Variants in NRXN3 observed in about 807,000 individuals in gnomAD.
NRXN3 encodes neurexin III.
NRXN3 carries 32 observed loss-of-function variants against 137.6 expected under a neutral mutation model. The observed-to-expected ratio is 0.23, with a 90% CI of 0.18 to 0.31. NRXN3 has a LOEUF of 0.31. NRXN3 is among the 10% of genes least tolerant of loss of function. NRXN3 has a pLI of 1.00. For missense variants in NRXN3, 1,574 were observed against 2,062.5 expected (o/e 0.76, Z 4.59); for synonymous variants, 798 against 784.5 (o/e 1.02, Z -0.29).
At chr14:79,448,326 C>T (rs1278130529) in intron 15 of NRXN3, among the ~76,000 whole-genome samples, 1 of 152,180 alleles carries the variant, frequency 6.6e-6, no homozygotes, top group East Asian at 1.9e-4. Context: ...ACAGCCCTCC[C>T]CCATCATGAC....
At chr14:79,786,078 A>C (rs1015677964) in intron 19 of NRXN3, among the ~76,000 whole-genome samples, 1 of 152,146 alleles carries the variant, frequency 6.6e-6, no homozygotes, top group Non-Finnish European at 1.5e-5. Flanking sequence ...CTGTCTGATT[A>C]ATCAGTTCTT....
intron 15 of NRXN3, among the ~76,000 whole-genome samples, chr14:79,406,395 C>G (rs1417439626): frequency 6.6e-6 from 1 of 152,036 alleles, no homozygotes; most frequent in East Asian, 1.9e-4. Context: ...ACTTCTGCCT[C>G]CTGGGCTCAG....
At chr14:79,734,088 G>A (rs577981119) in intron 19 of NRXN3, among the ~76,000 whole-genome samples, 4 of 152,104 alleles carry the variant, frequency 2.6e-5, no homozygotes, top group Non-Finnish European at 5.9e-5. Context: ...ACAGAAAAAC[G>A]TTGTTTTGAC....
intron 2 of NRXN3, among the ~76,000 whole-genome samples, chr14:78,269,347 G>C (rs2153485008): frequency 6.6e-6 from 1 of 152,302 alleles, no homozygotes. Context: ...GTCATAAAAA[G>C]ACAAACACTG....
At chr14:79,243,604 T>G (rs114589710) in intron 15 of NRXN3, among the ~76,000 whole-genome samples, 187 of 152,258 alleles carry the variant, frequency 1.2e-3, no homozygotes, top group African/African-American at 4.1e-3. Context: ...AAAATCATAG[T>G]GTGTACTCAC....
At chr14:79,104,564 G>C (rs931744505) in intron 15 of NRXN3, among the ~76,000 whole-genome samples, 3 of 152,156 alleles carry the variant, frequency 2.0e-5, no homozygotes, top group African/African-American at 7.2e-5. Context: ...GTCAGGCTCT[G>C]TGGAAAATAC....
intron 2 of NRXN3, among the ~76,000 whole-genome samples, chr14:78,252,442 T>A (rs933594282): frequency 5.9e-5 from 9 of 152,120 alleles, no homozygotes; most frequent in Non-Finnish European, 1.3e-4. Context: ...GCATATAGGA[T>A]CCTTTTGGTT....
intron 15 of NRXN3, among the ~76,000 whole-genome samples, chr14:79,322,367 G>A (rs528261628): frequency 4.6e-5 from 7 of 152,130 alleles, no homozygotes; most frequent in African/African-American, 1.2e-4. Flanking sequence ...AGGCTTGACC[G>A]CATTTACGGA....
intron 15 of NRXN3, among the ~76,000 whole-genome samples, chr14:79,006,353 CAAAA>C (rs367745686): frequency 2.4e-4 from 36 of 149,964 alleles, no homozygotes; most frequent in African/African-American, 8.6e-4. Context: ...AACAAACAAA[CAAAA>C]ACCCCAAAAG....
At chr14:79,396,286 G>A (rs965506820) in intron 15 of NRXN3, among the ~76,000 whole-genome samples, 1 of 151,884 alleles carries the variant, frequency 6.6e-6, no homozygotes, top group African/African-American at 2.4e-5. Context: ...ATTTATATAT[G>A]AAATTGCTAG....
chr14:79,649,308 C>T (rs1371183917), intron 16 of NRXN3, among the ~76,000 whole-genome samples: 1 of 152,138 alleles, frequency 6.6e-6, no homozygotes, highest in Admixed American at 6.6e-5. Context: ...AAGTGCCTCA[C>T]AAATCACTGT....
chr14:78,323,154 A>G (rs980246593), intron 4 of NRXN3, among the ~76,000 whole-genome samples: 2 of 152,084 alleles, frequency 1.3e-5, no homozygotes, highest in Non-Finnish European at 2.9e-5. Context: ...TTTAAAGTGA[A>G]TTTAAAATTG....
intron 15 of NRXN3, among the ~76,000 whole-genome samples, chr14:79,087,077 T>G (rs748777792): frequency 1.3e-5 from 2 of 152,120 alleles, no homozygotes; most frequent in Non-Finnish European, 2.9e-5. Flanking sequence ...AACCTGAAGA[T>G]CAATTCCTTG....
chr14:78,524,975 G>T (rs115026211), intron 4 of NRXN3, among the ~76,000 whole-genome samples: 3 of 152,094 alleles, frequency 2.0e-5, no homozygotes, highest in African/African-American at 4.8e-5. Flanking sequence ...TAGCTAATCC[G>T]CTCGGCATAA....
chr14:78,520,996 A>C (rs2096276297), intron 4 of NRXN3, among the ~76,000 whole-genome samples: 1 of 152,204 alleles, frequency 6.6e-6, no homozygotes, highest in Non-Finnish European at 1.5e-5. Context: ...CTTCTGAATG[A>C]CATTGTTTTA....
intron 19 of NRXN3, among the ~76,000 whole-genome samples, chr14:79,771,878 C>T (rs2099079825): frequency 8.2e-6 from 1 of 122,688 alleles, no homozygotes; most frequent in South Asian, 2.9e-4. Flanking sequence ...TAGAAAACCC[C>T]ATTGTCTCAG....
intron 20 of NRXN3, among the ~76,000 whole-genome samples, chr14:79,860,549 C>T (rs1041123274): frequency 6.6e-6 from 1 of 152,200 alleles, no homozygotes; most frequent in South Asian, 2.1e-4. Context: ...TTTTATGTTT[C>T]TTGATCTTGG....
intron 3 of NRXN3, among the ~76,000 whole-genome samples, chr14:78,289,405 C>T (rs1252817659): frequency 6.6e-6 from 1 of 152,092 alleles, no homozygotes; most frequent in Non-Finnish European, 1.5e-5. Context: ...TACAGTCCTG[C>T]CCAATATGTT....
At chr14:78,632,976 A>G (rs1382301477) in intron 4 of NRXN3, among the ~76,000 whole-genome samples, 13 of 152,030 alleles carry the variant, frequency 8.6e-5, no homozygotes, top group Non-Finnish European at 1.9e-4. Flanking sequence ...TGGCTCACGC[A>G]TGTAATCCCA....
Sources: allele counts gnomAD v4.1 joint callset (sites outside exome capture counted in the v4.1 genomes callset), GRCh38; gene constraint gnomAD v4.1.1; transcripts MANE v1.5; gene names NCBI Gene and HGNC (gene_info 2026-07-23, HGNC 2026-07-21).